The following CUX1 variants were observed in gnomAD, a reference collection of about 807,000 sequenced individuals.
CUX1 encodes the protein protein CASP.
Under a neutral mutation model 158.8 loss-of-function variants are expected in CUX1, and 31 were observed. The observed-to-expected ratio is 0.20, with a 90% CI of 0.15 to 0.26. CUX1 has a LOEUF of 0.26. Ranked by LOEUF, CUX1 falls within the 10% of genes least tolerant of loss-of-function variation. The probability of loss-of-function intolerance (pLI) is 1.00; values close to 1 mark genes in which losing one functional copy is unlikely to be tolerated. For synonymous variants in CUX1, 879 were observed against 862.1 expected, an observed-to-expected ratio of 1.02 and a Z score of -0.34; for missense variants, 1,589 against 2,014.6, an observed-to-expected ratio of 0.79 and a Z score of 4.04.
intron 2 of CUX1, among the ~76,000 whole-genome samples, chr7:102,008,230 G>A (rs954092141): frequency 6.6e-6 from 1 of 152,090 alleles, no homozygotes; most frequent in Non-Finnish European, 1.5e-5. Flanking sequence ...TAGGGGCTTC[G>A]GTGATCTGGG....
chr7:101,967,584 CATGT>C (rs1049400297), intron 2 of CUX1, among the ~76,000 whole-genome samples: 2 of 152,154 alleles, frequency 1.3e-5, no homozygotes, highest in African/African-American at 4.8e-5. Flanking sequence ...TGAGCCCGGG[CATGT>C]ATGCGTCAAT....
chr7:101,931,223 C>T (rs1806255297), intron 2 of CUX1, among the ~76,000 whole-genome samples: 1 of 152,194 alleles, frequency 6.6e-6, no homozygotes, highest in Non-Finnish European at 1.5e-5. Context: ...TAAAAGGCAT[C>T]ACCTCCTCTG....
intron 22 of CUX1, among the ~76,000 whole-genome samples, chr7:102,237,555 T>C (rs1563466529): frequency 6.6e-6 from 1 of 152,186 alleles, no homozygotes; most frequent in Admixed American, 6.5e-5. Flanking sequence ...GTGCAGAGAT[T>C]ATAGGCGAGA....
At chr7:101,904,031 A>C (rs1021773955) in intron 1 of CUX1, among the ~76,000 whole-genome samples, 1 of 151,948 alleles carries the variant, frequency 6.6e-6, no homozygotes, top group Admixed American at 6.6e-5. Flanking sequence ...GGTCACTCGC[A>C]CCTGTAATGG....
At chr7:102,063,770 C>T (rs1825220610) in intron 3 of CUX1, among the ~76,000 whole-genome samples, 1 of 152,206 alleles carries the variant, frequency 6.6e-6, no homozygotes, top group African/African-American at 2.4e-5. Context: ...ATCTGCAGAC[C>T]ATGCAGTTGG....
At chr7:102,150,219 G>A (rs189013174) in intron 8 of CUX1, among the ~76,000 whole-genome samples, 117 of 152,240 alleles carry the variant, frequency 7.7e-4, no homozygotes, top group African/African-American at 2.7e-3. Context: ...GCAGTGGCAC[G>A]ATCTCAGCTC....
At chr7:102,092,650 G>A (rs1452348650) in intron 4 of CUX1, among the ~76,000 whole-genome samples, 1 of 152,156 alleles carries the variant, frequency 6.6e-6, no homozygotes, top group Non-Finnish European at 1.5e-5. Context: ...GGTGGCTCAT[G>A]CCTGTAATCC....
intron 8 of CUX1, among the ~76,000 whole-genome samples, chr7:102,149,569 C>T (rs1453182737): frequency 5.3e-5 from 8 of 152,154 alleles, no homozygotes; most frequent in Non-Finnish European, 1.2e-4. Flanking sequence ...GCCCCATGGG[C>T]GTTATTGGTG....
intron 1 of CUX1, among the ~76,000 whole-genome samples, chr7:101,835,671 A>G (rs529532948): frequency 6.6e-6 from 1 of 152,284 alleles, no homozygotes; most frequent in African/African-American, 2.4e-5. Flanking sequence ...AGAATGGGGT[A>G]TCCATCCATC....
chr7:101,827,793 T>C (rs1793519168), intron 1 of CUX1, among the ~76,000 whole-genome samples: 1 of 152,104 alleles, frequency 6.6e-6, no homozygotes, highest in African/African-American at 2.4e-5. Flanking sequence ...AGAGAGAATA[T>C]ATTTACTAAT....
intron 1 of CUX1, among the ~76,000 whole-genome samples, chr7:101,881,879 A>C (rs1799745027): frequency 6.6e-6 from 1 of 152,172 alleles, no homozygotes; most frequent in African/African-American, 2.4e-5. Context: ...TTCTATGGCA[A>C]TAAAACAGAA....
intron 2 of CUX1, among the ~76,000 whole-genome samples, chr7:101,949,332 G>A (rs991078963): frequency 1.3e-5 from 2 of 151,764 alleles, no homozygotes; most frequent in Non-Finnish European, 2.9e-5. Flanking sequence ...GGGTTTCACC[G>A]TGTTAGCCAG....
At chr7:102,015,999 G>A (rs10229930) in intron 2 of CUX1, among the ~76,000 whole-genome samples, 58,313 of 151,286 alleles carry the variant, frequency 0.39, 12,016 homozygotes, top group Non-Finnish European at 0.46. Flanking sequence ...TTTTTTTGTA[G>A]AGATGGGATC....
rs1284188247 is a variant in CUX1 at position 102,256,322 on chromosome 7, A to G, written c.*7280A>G. The stretch of plus-strand genomic sequence containing the variant: ...AAAGGATGTTTCCTTGAGAAAAAAA[A>G]AATTATTTCTATCCTCTTCTATTTA... On this transcript the variant is annotated 3_prime_UTR_variant, in exon 24 of 24. Coordinates refer to ENST00000292535, the MANE Select transcript of CUX1 (RefSeq NM_181552.4). 3.0e-6 allele frequency: 3 copies of G among 984,912 alleles called. No individual in the cohort carries two copies. The East Asian group carries it at 3.4e-4, about 112-fold the overall frequency. The allele number at this position is 984,912 out of a possible 1,614,324, so 61.0% of individuals were successfully genotyped here.
At chr7:102,002,083 C>G (rs1468400679) in intron 2 of CUX1, among the ~76,000 whole-genome samples, 1 of 152,130 alleles carries the variant, frequency 6.6e-6, no homozygotes, top group African/African-American at 2.4e-5. Flanking sequence ...TGCTTGAGCT[C>G]AGGAGTTCTA....
chr7:102,012,503 A>C (rs1257719388), intron 2 of CUX1, among the ~76,000 whole-genome samples: 1 of 152,100 alleles, frequency 6.6e-6, no homozygotes, highest in Non-Finnish European at 1.5e-5. Flanking sequence ...TAGCTTTTAA[A>C]GGTTGTAGCT....
At chr7:102,127,501 G>A (rs370073940) in intron 8 of CUX1, among the ~76,000 whole-genome samples, 1 of 151,992 alleles carries the variant, frequency 6.6e-6, no homozygotes, top group East Asian at 1.9e-4. Context: ...GAGCTGCTTC[G>A]CCCAAACTCG....
chr7:101,971,586 A>C (rs1180928046), intron 2 of CUX1, among the ~76,000 whole-genome samples: 3 of 152,252 alleles, frequency 2.0e-5, no homozygotes, highest in Non-Finnish European at 4.4e-5. Context: ...TGTAAAGATG[A>C]GATACAGACT....
chr7:102,258,253 ATTT>A, downstream of CUX1: 2 of 916,172 alleles, frequency 2.2e-6, no homozygotes, highest in Non-Finnish European at 2.6e-6. Flanking sequence ...GGTTGTTTTT[ATTT>A]AAAGTGCTCT....
Sources: allele counts gnomAD v4.1 joint callset (sites outside exome capture counted in the v4.1 genomes callset), GRCh38; gene constraint gnomAD v4.1.1; transcripts MANE v1.5; gene names NCBI Gene and HGNC (gene_info 2026-07-23, HGNC 2026-07-21).